The following PLXNA4 variants were observed in gnomAD, a reference collection of about 807,000 sequenced individuals.
PLXNA4 encodes the protein plexin-A4.
A neutral mutation model predicts 191.8 loss-of-function variants in PLXNA4; 44 were observed. That is an observed-to-expected ratio of 0.23 (90% confidence interval 0.18 to 0.29). The LOEUF is 0.29. Among genes scored for constraint, PLXNA4 ranks in the 10% least tolerant of loss-of-function variants. The pLI is 1.00. For synonymous variants in PLXNA4, 1,082 were observed against 1,009.5 expected (o/e 1.07, Z -1.36); for missense variants, 1,800 against 2,488.8 (o/e 0.72, Z 5.89).
At chr7:132,601,327 C>G (rs532257246) in intron 2 of PLXNA4, among the ~76,000 whole-genome samples, 1 of 151,970 alleles carries the variant, frequency 6.6e-6, no homozygotes, top group Non-Finnish European at 1.5e-5. Context: ...TGGTAGAGCC[C>G]GTGAGAGATT....
intron 4 of PLXNA4, among the ~76,000 whole-genome samples, chr7:132,297,860 GA>G (rs533257105): frequency 1.5e-3 from 226 of 152,200 alleles, no homozygotes; most frequent in African/African-American, 5.2e-3. Context: ...GAAATTAGTG[GA>G]TTTGTTTTAG....
intron 4 of PLXNA4, among the ~76,000 whole-genome samples, chr7:132,268,963 G>A (rs1339193958): frequency 1.3e-5 from 2 of 152,166 alleles, no homozygotes; most frequent in African/African-American, 4.8e-5. Flanking sequence ...AGTTGGCAAG[G>A]CACTTGGAAT....
intron 3 of PLXNA4, among the ~76,000 whole-genome samples, chr7:132,445,572 T>C (rs1795875449): frequency 1.3e-5 from 2 of 152,142 alleles, no homozygotes; most frequent in African/African-American, 2.4e-5. Flanking sequence ...GTCACAGCTA[T>C]GTAGCTTTGA....
At chr7:132,509,245 C>T (rs1176994857) in intron 1 of PLXNA4, among the ~76,000 whole-genome samples, 1 of 152,112 alleles carries the variant, frequency 6.6e-6, no homozygotes, top group African/African-American at 2.4e-5. Flanking sequence ...GTGTTCCCCA[C>T]AGCAGGCCTC....
At chr7:132,132,756 A>G (rs529863833) in intron 31 of PLXNA4, among the ~76,000 whole-genome samples, 2 of 152,232 alleles carry the variant, frequency 1.3e-5, no homozygotes, top group South Asian at 4.1e-4. Flanking sequence ...AAAGATGTGG[A>G]AAACATAAAA....
chr7:132,129,338 A>T lies in PLXNA4; in HGVS notation c.*1141T>A, dbSNP rs760076516. 2.0e-5 allele frequency: 3 copies of T among 152,292 alleles called. No individual in the cohort carries two copies. The highest frequency in any genetic ancestry group is 4.4e-5 in the Non-Finnish European group (3 of 68,066). The allele number at this position is 152,292 out of a possible 1,614,324, so 9.4% of individuals were successfully genotyped here. On this transcript the variant is annotated 3_prime_UTR_variant, in exon 32 of 32. Coordinates refer to ENST00000321063, the MANE Select transcript of PLXNA4 (RefSeq NM_020911.2). ...GTCTGGACAGCCCAGTGACAAAGTCATCTGCATAGCAATGGCACCGGATTC... is the reference window on the plus strand; with the variant it reads ...GTCTGGACAGCCCAGTGACAAAGTCTTCTGCATAGCAATGGCACCGGATTC...
At chr7:132,328,785 C>G (rs761840100) in intron 3 of PLXNA4, among the ~76,000 whole-genome samples, 1 of 152,200 alleles carries the variant, frequency 6.6e-6, no homozygotes, top group Non-Finnish European at 1.5e-5. Flanking sequence ...CAGTGCTCTA[C>G]TGATCACTCC....
chr7:132,523,182 G>A (rs1799258819), intron 1 of PLXNA4, among the ~76,000 whole-genome samples: 1 of 152,064 alleles, frequency 6.6e-6, no homozygotes, highest in Non-Finnish European at 1.5e-5. Flanking sequence ...CATTTAATAG[G>A]GAGGATACAC....
Position 132,452,214 on chromosome 7 carries a change from T to TC in PLXNA4, c.1371+37077dup, listed in dbSNP as rs1485789283. Among the ~76,000 whole-genome samples, 5 of 152,082 alleles carry TC rather than the reference T, an allele frequency of 3.3e-5. No homozygotes were observed. The East Asian group carries it at 5.8e-4, about 18-fold the overall frequency. On this transcript the variant is annotated intron_variant, in intron 3 of 31. Transcript: ENST00000321063. ...TCAAAAACCTTTATCTGTCATCATCTCCCCCAGCAAGGCATCCCAGCACCA... is the reference window on the plus strand; with the variant it reads ...TCAAAAACCTTTATCTGTCATCATCTCCCCCCAGCAAGGCATCCCAGCACCA...
At chr7:132,483,270 G>A (rs1459832202) in intron 3 of PLXNA4, among the ~76,000 whole-genome samples, 1 of 152,176 alleles carries the variant, frequency 6.6e-6, no homozygotes, top group Non-Finnish European at 1.5e-5. Context: ...CTCGCTAGGA[G>A]TCTTCACTGG....
intron 3 of PLXNA4, among the ~76,000 whole-genome samples, chr7:132,474,619 T>TGTAC (rs1797056140): frequency 6.7e-6 from 1 of 149,930 alleles, no homozygotes; most frequent in Non-Finnish European, 1.5e-5. Flanking sequence ...ATTGAGCACA[T>TGTAC]GTACACACAC....
At chr7:132,495,841 T>A (rs1232577731) in intron 2 of PLXNA4, among the ~76,000 whole-genome samples, 1 of 152,202 alleles carries the variant, frequency 6.6e-6, no homozygotes, top group Non-Finnish European at 1.5e-5. Flanking sequence ...CTATTGGAAC[T>A]CCCTGCGTTC....
chr7:132,264,673 G>A (rs1799779106), intron 4 of PLXNA4, among the ~76,000 whole-genome samples: 1 of 147,656 alleles, frequency 6.8e-6, no homozygotes, highest in South Asian at 2.2e-4. Context: ...AAATACTGTC[G>A]GTCCTCCCCG....
chr7:132,363,244 C>T (rs1804019692), intron 3 of PLXNA4, among the ~76,000 whole-genome samples: 1 of 152,180 alleles, frequency 6.6e-6, no homozygotes, highest in Non-Finnish European at 1.5e-5. Flanking sequence ...CTCGGCCTCC[C>T]AAAGTGTTGT....
chr7:132,639,616 C>A (rs543613880), intron 2 of PLXNA4, among the ~76,000 whole-genome samples: 1 of 152,166 alleles, frequency 6.6e-6, no homozygotes, highest in African/African-American at 2.4e-5. Flanking sequence ...TCAACACTGC[C>A]GCCTCCCACC....
intron 2 of PLXNA4, among the ~76,000 whole-genome samples, chr7:132,498,842 C>T (rs1200000680): frequency 2.6e-5 from 4 of 152,234 alleles, no homozygotes; most frequent in South Asian, 2.1e-4. Context: ...GATTTTGATG[C>T]AAATATTCAT....
At chr7:132,353,906 C>A (rs766360540) in intron 3 of PLXNA4, among the ~76,000 whole-genome samples, 26 of 152,170 alleles carry the variant, frequency 1.7e-4, no homozygotes, top group Non-Finnish European at 3.4e-4. Context: ...TTCTTGAAAG[C>A]TTTGCAACCC....
At chr7:132,163,491 C>T (rs778653909) in intron 24 of PLXNA4, among the ~76,000 whole-genome samples, 4 of 152,190 alleles carry the variant, frequency 2.6e-5, no homozygotes, top group East Asian at 3.8e-4. Flanking sequence ...CCCTGTTGGT[C>T]GAAGGCAGAG....
intron 14 of PLXNA4, among the ~76,000 whole-genome samples, chr7:132,188,795 C>G (rs992653390): frequency 3.3e-5 from 5 of 151,822 alleles, no homozygotes; most frequent in African/African-American, 7.3e-5. Context: ...TGACTCTGGA[C>G]AAGACATTTC....
Sources: gnomAD v4.1 joint callset for allele counts (sites outside exome capture counted in the v4.1 genomes callset) on GRCh38, gnomAD v4.1.1 for gene constraint, MANE v1.5 for transcripts, NCBI Gene and HGNC (gene_info 2026-07-23, HGNC 2026-07-21) for gene names.